PIAS4: variants seen among roughly 807,000 people sequenced by gnomAD.
PIAS4 encodes protein inhibitor of activated STAT 4, also known as E3 SUMO-protein ligase PIAS4.
Under a neutral mutation model 58.0 loss-of-function variants are expected in PIAS4, and 7 were observed. The observed-to-expected ratio is 0.12, with a 90% CI of 0.07 to 0.23. The LOEUF (loss-of-function observed/expected upper bound fraction) is 0.23, where lower values mean the gene tolerates loss of function less well. Among genes scored for constraint, PIAS4 ranks in the 10% least tolerant of loss-of-function variants. PIAS4 has a pLI of 1.00. For missense variants in PIAS4, 550 were observed against 709.5 expected, an observed-to-expected ratio of 0.78 and a Z score of 2.55; for synonymous variants, 364 against 312.4, an observed-to-expected ratio of 1.17 and a Z score of -1.74.
intron 7 of PIAS4, 35 bp from the exon 8 acceptor site, chr19:4,033,065 C>G: frequency 6.3e-7 from 1 of 1,579,012 alleles, no homozygotes; most frequent in Non-Finnish European, 8.7e-7. Flanking sequence ...GCTGTTCCCA[C>G]CCTCCTGACG....
intron 2 of PIAS4, among the ~76,000 whole-genome samples, chr19:4,021,493 G>A (rs1177169710): frequency 2.0e-5 from 3 of 152,042 alleles, no homozygotes; most frequent in South Asian, 2.1e-4. Context: ...TACACAAATC[G>A]CAGGGGCCTG....
chr19:4,028,608 T>C lies in PIAS4; in HGVS notation c.672+8T>C. On this transcript the variant is annotated splice_region_variant and intron_variant, in intron 5 of 10. Coordinates refer to ENST00000262971, the MANE Select transcript of PIAS4 (RefSeq NM_015897.4). The stretch of plus-strand genomic sequence containing the variant: ...AGCTACTGCTCCGTCCCGGTGAGCA[T>C]GCCCCGCCCCCGCGTCGGCTGCACG... 1 of 1,612,076 alleles carries C rather than the reference T, an allele frequency of 6.2e-7. No individual in the cohort carries two copies. Among genetic ancestry groups the C allele is most frequent in the Non-Finnish European group, 8.5e-7 (1 of 1,179,400 alleles).
At chr19:4,031,245 G>T (rs1222268257) in intron 7 of PIAS4, among the ~76,000 whole-genome samples, 2 of 152,154 alleles carry the variant, frequency 1.3e-5, no homozygotes, top group South Asian at 4.1e-4. Context: ...TGCTGGCACT[G>T]CCAGGGGCCT....
intron 4 of PIAS4, 159 bp from the exon 5 acceptor site, chr19:4,028,351 A>AC (rs2040188657): frequency 1.3e-6 from 1 of 777,690 alleles, no homozygotes; most frequent in South Asian, 1.7e-5. Context: ...TCACCATCCG[A>AC]CCCCCACTCA....
intron 3 of PIAS4, among the ~76,000 whole-genome samples, chr19:4,026,467 A>G (rs2144926662): frequency 6.6e-6 from 1 of 151,766 alleles, no homozygotes; most frequent in Non-Finnish European, 1.5e-5. Context: ...TATGATTTGC[A>G]TACCATAGAA....
In PIAS4 at chr19:4,033,186, G is replaced by A. The variant is rs375034674; in HGVS notation, c.981+13G>A. 3.7e-5 allele frequency: 60 copies of A among 1,603,912 alleles called. No homozygotes were observed. The highest frequency in any genetic ancestry group is 8.3e-5 in the Admixed American group (5 of 59,922). ...CCTCATCTGTCCGGTGAGTCGGGGC[G>A]CGGTCCCCTCCTCGAGGCCTCTCCT... On this transcript the variant is annotated intron_variant, in intron 8 of 10. Transcript: ENST00000262971.
chr19:4,029,091 G>T (rs1414504288), intron 7 of PIAS4, 55 bp downstream of exon 7: 11 of 1,316,090 alleles, frequency 8.4e-6, no homozygotes, highest in Non-Finnish European at 9.6e-6. Flanking sequence ...CTGGAAACCC[G>T]CCCTGTGCTG....
chr19:4,033,448 G>A lies in PIAS4; in HGVS notation c.1010G>A (p.Cys337Tyr). 6.4e-7 allele frequency: 1 copy of A among 1,561,602 alleles called. No individual in the cohort carries two copies. The highest frequency in any genetic ancestry group is 8.7e-7 in the Non-Finnish European group (1 of 1,153,782). The change falls in exon 9 of 11, where the codon TGC becomes TAC. Residue 337 changes from cysteine (C) to tyrosine (Y), a missense_variant. By Grantham distance (194) the Cys-to-Tyr change is radical. Around this residue, in one of 4 missense-constraint regions of PIAS4, gnomAD observed 225 missense variants for 345.8 expected, o/e 0.65. Transcript: ENST00000262971. Reference sequence around the variant, plus strand: ...GTGAAGATGCGGCTCTCCGTGCCCTGCCGGGCAGAGACCTGTGCCCACCTG... The same window carrying A: ...GTGAAGATGCGGCTCTCCGTGCCCTACCGGGCAGAGACCTGTGCCCACCTG... ...PLVKMRLSVP[C>Y]RAETCAHLQC...
chr19:4,027,042 C>A (rs936923995), intron 3 of PIAS4, among the ~76,000 whole-genome samples: 1 of 151,316 alleles, frequency 6.6e-6, no homozygotes, highest in Non-Finnish European at 1.5e-5. Context: ...TTAGTAGAGA[C>A]GGGGTTTCAC....
Position 4,037,495 on chromosome 19 carries a change from C to A in PIAS4, c.1264C>A (p.Leu422Ile). 1 of 1,610,516 alleles carries A rather than the reference C, an allele frequency of 6.2e-7. No individual in the cohort carries two copies. The highest frequency in any genetic ancestry group is 8.5e-7 in the Non-Finnish European group (1 of 1,179,502). ...CAGCTGCAGCCCGCAGGGCGCCATC[C>A]TCGTGCTGGGTGAGTGCCTCACCCC... ...ERSCSPQGAI[L>I]VLGPSDANGL... Residue 422 changes from leucine (L) to isoleucine (I), a missense_variant, in exon 10 of 11, where the codon CTC becomes ATC. Leu to Ile is a conservative substitution (Grantham distance 5, BLOSUM62 2). Coordinates refer to ENST00000262971, the MANE Select transcript of PIAS4 (RefSeq NM_015897.4). The surrounding 1 kb of genome is among the most constrained non-coding windows in gnomAD (Gnocchi z 5.8).
intron 9 of PIAS4, among the ~76,000 whole-genome samples, chr19:4,034,874 C>T (rs1246078414): frequency 6.6e-6 from 1 of 152,230 alleles, no homozygotes; most frequent in Non-Finnish European, 1.5e-5. Flanking sequence ...ACCTCTCTGT[C>T]CCTGGCTCTG....
chr19:4,022,557 G>T (rs2040120672), intron 2 of PIAS4, among the ~76,000 whole-genome samples: 1 of 151,630 alleles, frequency 6.6e-6, no homozygotes, highest in Non-Finnish European at 1.5e-5. Context: ...TAGTAGAGAT[G>T]GGGTTTCACC....
intron 7 of PIAS4, 131 bp from the exon 8 acceptor site, chr19:4,032,969 G>A: frequency 4.2e-6 from 3 of 716,044 alleles, no homozygotes; most frequent in Non-Finnish European, 7.1e-6. Flanking sequence ...GAGCCACACA[G>A]CGAAGCTTGG....
In PIAS4 at chr19:4,024,080, G is replaced by T. The variant is rs766783529; in HGVS notation, c.499G>T (p.Ala167Ser). The T allele has an allele frequency of 6.2e-7, 1 of 1,613,872 alleles. No individual in the cohort carries two copies. Among genetic ancestry groups the T allele is most frequent in the African/African-American group, 1.3e-5 (1 of 74,890 alleles). Residue 167 changes from alanine (A) to serine (S), a missense_variant, in exon 3 of 11, where the codon GCA becomes TCA. Around this residue, in one of 4 missense-constraint regions of PIAS4, gnomAD observed 225 missense variants for 345.8 expected, o/e 0.65. Transcript: ENST00000262971. Reference sequence around the variant, plus strand: ...GCTTCAGGAGAGCCCGTGCATCTTCGCATTGACGCCAAGACAGGTGGAGTT... The same window carrying T: ...GCTTCAGGAGAGCCCGTGCATCTTCTCATTGACGCCAAGACAGGTGGAGTT... ...EKLQESPCIF[A>S]LTPRQVELIR...
intron 7 of PIAS4, among the ~76,000 whole-genome samples, chr19:4,032,356 C>G (rs928043265): frequency 2.0e-5 from 3 of 152,028 alleles, no homozygotes; most frequent in Non-Finnish European, 4.4e-5. Context: ...GTGGCCTGCC[C>G]CCCATGGCCC....
At chr19:4,033,074 C>T (rs571434406) in intron 7 of PIAS4, 26 bp from the exon 8 acceptor site, 69 of 1,598,084 alleles carry the variant, frequency 4.3e-5, no homozygotes, top group South Asian at 3.7e-4. Context: ...ACCCTCCTGA[C>T]GGTGTCTTCC....
chr19:4,034,847 G>T (rs1045264783), intron 9 of PIAS4, among the ~76,000 whole-genome samples: 2 of 152,174 alleles, frequency 1.3e-5, no homozygotes, highest in African/African-American at 4.8e-5. Context: ...TTCATACTTT[G>T]TTCCATGAGC....
chr19:4,035,869 T>TAACACACACACC (rs2040271627), intron 9 of PIAS4, among the ~76,000 whole-genome samples: 2 of 2,512 alleles, frequency 8.0e-4, no homozygotes, highest in African/African-American at 1.3e-3. Flanking sequence ...GTCCACACCG[T>TAACACACACACC]CTCACACACA....
At chr19:4,023,614 G>GGT in intron 2 of PIAS4, among the ~76,000 whole-genome samples, 1 of 152,308 alleles carries the variant, frequency 6.6e-6, no homozygotes, top group East Asian at 1.9e-4. Flanking sequence ...CCTCTGTCCG[G>GGT]GTGACGTGGC....
Sources: gnomAD v4.1 joint callset for allele counts (sites outside exome capture counted in the v4.1 genomes callset) on GRCh38, gnomAD v4.1.1 for gene constraint, gnomAD v4.1.1 regional missense constraint, Gnocchi (gnomAD v3.1) non-coding constraint, MANE v1.5 for transcripts, NCBI Gene and HGNC (gene_info 2026-07-23, HGNC 2026-07-21) for gene names.